RUNX1: variants seen among roughly 807,000 people sequenced by gnomAD.
RUNX1 encodes the protein runt-related transcription factor 1.
RUNX1 carries 19 observed loss-of-function variants against 42.8 expected under a neutral mutation model. The observed-to-expected ratio is 0.44, with a 90% CI of 0.31 to 0.65. The LOEUF (loss-of-function observed/expected upper bound fraction) is 0.65. Among genes scored for constraint, RUNX1 ranks in the 30% least tolerant of loss-of-function variants. RUNX1 has a pLI of 0.07. For missense variants in RUNX1, 528 were observed against 672.0 expected (o/e 0.79, Z 2.37); for synonymous variants, 271 against 289.4 (o/e 0.94, Z 0.64).
At chr21:34,841,874 T>C (rs929763273) in intron 6 of RUNX1, among the ~76,000 whole-genome samples, 1 of 152,224 alleles carries the variant, frequency 6.6e-6, no homozygotes, top group Non-Finnish European at 1.5e-5. Context: ...CACATGTTAA[T>C]GTTATCCAGG....
At chr21:34,951,144 G>T (rs542979076) in intron 2 of RUNX1, among the ~76,000 whole-genome samples, 8 of 152,124 alleles carry the variant, frequency 5.3e-5, no homozygotes, top group Admixed American at 2.6e-4. Flanking sequence ...CCACTTATCT[G>T]CCCAAGGGAT....
At chr21:34,802,602 G>C (rs1451350670) in intron 7 of RUNX1, among the ~76,000 whole-genome samples, 4 of 152,342 alleles carry the variant, frequency 2.6e-5, no homozygotes, top group Non-Finnish European at 4.4e-5. Flanking sequence ...CCTGCCTTCT[G>C]GAAGTTACAG....
intron 2 of RUNX1, among the ~76,000 whole-genome samples, chr21:34,978,937 T>TACACAAACAC (rs2058824468): frequency 7.5e-6 from 1 of 134,054 alleles, no homozygotes; most frequent in Admixed American, 7.5e-5. Flanking sequence ...CACACACAGA[T>TACACAAACAC]ACACACACAC....
At chr21:35,036,572 G>C (rs1268907065) in intron 2 of RUNX1, among the ~76,000 whole-genome samples, 1 of 152,124 alleles carries the variant, frequency 6.6e-6, no homozygotes, top group East Asian at 1.9e-4. Context: ...GGTGAAGGGG[G>C]AAAAGAAGGG....
chr21:35,010,259 CATT>C (rs775276682), intron 2 of RUNX1, among the ~76,000 whole-genome samples: 3 of 152,050 alleles, frequency 2.0e-5, no homozygotes, highest in Non-Finnish European at 2.9e-5. Context: ...GCTCCAAAAA[CATT>C]ATTTTTAAAA....
At chr21:34,991,871 G>A (rs1319343195) in intron 2 of RUNX1, among the ~76,000 whole-genome samples, 2 of 152,132 alleles carry the variant, frequency 1.3e-5, no homozygotes, top group East Asian at 1.9e-4. Context: ...AAGAAAAAAC[G>A]GACAGACAGA....
At chr21:34,894,375 A>T (rs1038455787) in intron 2 of RUNX1, among the ~76,000 whole-genome samples, 2 of 152,204 alleles carry the variant, frequency 1.3e-5, no homozygotes, top group African/African-American at 4.8e-5. Flanking sequence ...TAAACCCAAA[A>T]ACAAGGGCAA....
chr21:34,788,516 T>C lies in RUNX1; in HGVS notation c.*3619A>G, dbSNP rs139372063. Reference sequence around the variant, plus strand: ...AAGAAGCATTTTTTTCCCTACAGTATTTAGCAAACCTAAGAAAAAGTCCTT... The same window carrying C: ...AAGAAGCATTTTTTTCCCTACAGTACTTAGCAAACCTAAGAAAAAGTCCTT... On this transcript the variant is annotated 3_prime_UTR_variant, in exon 9 of 9. Coordinates refer to ENST00000675419, the MANE Select transcript of RUNX1 (RefSeq NM_001754.5). The C allele has an allele frequency of 7.1e-3, 1,654 of 233,112 alleles. 24 individuals carry two copies. The highest frequency in any genetic ancestry group is 0.029 in the Admixed American group (518 of 17,782). 14.4% of individuals were successfully genotyped at this position (233,112 alleles called of 1,614,324 possible). A position where few individuals can be genotyped will look rare whatever the true frequency, so the allele number is the denominator to read the frequency against.
intron 7 of RUNX1, among the ~76,000 whole-genome samples, chr21:34,827,632 T>C (rs1367190720): frequency 6.6e-6 from 1 of 152,186 alleles, no homozygotes; most frequent in Non-Finnish European, 1.5e-5. Context: ...GGGGCACCCT[T>C]CATGGGCTCA....
At chr21:34,930,719 TCACACA>T (rs67114485) in intron 2 of RUNX1, among the ~76,000 whole-genome samples, 22 of 140,560 alleles carry the variant, frequency 1.6e-4, no homozygotes, top group African/African-American at 4.5e-4. Flanking sequence ...TCTCTCTCTC[TCACACA>T]CACACACACA....
Position 34,799,311 on chromosome 21 carries a change from A to G in RUNX1, c.957T>C (p.Ser319=), listed in dbSNP as rs2145907165. 6.2e-7 allele frequency: 1 copy of G among 1,614,178 alleles called. No homozygotes were observed. Among genetic ancestry groups the G allele is most frequent in the Non-Finnish European group, 8.5e-7 (1 of 1,180,036 alleles). ...TTTCAAGTGGCTTACTTGAGAGTCG[A>G]CTGGAAAGTTCTGCAGAGAGGGTTG... ...GMTTLSAELS[S]RLSTAPDLTA... The change falls in exon 8 of 9, where the codon AGT becomes AGC. Residue 319 remains serine, a synonymous_variant. Transcript: ENST00000675419.
chr21:34,883,894 G>A (rs1052370464), intron 4 of RUNX1, among the ~76,000 whole-genome samples: 5 of 152,348 alleles, frequency 3.3e-5, no homozygotes, highest in Admixed American at 6.5e-5. Context: ...CAGCTGAGAT[G>A]ATATTTAAGG....
At chr21:34,805,444 G>C (rs1248888771) in intron 7 of RUNX1, among the ~76,000 whole-genome samples, 2 of 152,206 alleles carry the variant, frequency 1.3e-5, no homozygotes, top group South Asian at 2.1e-4. Flanking sequence ...AAAAACCAAA[G>C]AGAAGAGAAA....
chr21:34,854,245 T>C (rs1350872582), intron 6 of RUNX1, among the ~76,000 whole-genome samples: 53 of 152,348 alleles, frequency 3.5e-4, no homozygotes, highest in Non-Finnish European at 1.2e-4. Flanking sequence ...ATTATACTCA[T>C]ATGACATGAT....
At chr21:34,980,386 G>A (rs1293228611) in intron 2 of RUNX1, among the ~76,000 whole-genome samples, 1 of 152,190 alleles carries the variant, frequency 6.6e-6, no homozygotes, top group Non-Finnish European at 1.5e-5. Flanking sequence ...ACGTAGCCTG[G>A]GGATGGGGTA....
chr21:35,001,287 TA>T (rs35333857), intron 2 of RUNX1, among the ~76,000 whole-genome samples: 31,014 of 145,904 alleles, frequency 0.21, 3,459 homozygotes, highest in Middle Eastern at 0.28. Context: ...TTTGGCCTAT[TA>T]TTTTTTTTGA....
At chr21:35,001,387 T>C (rs957072572) in intron 2 of RUNX1, among the ~76,000 whole-genome samples, 3 of 151,354 alleles carry the variant, frequency 2.0e-5, no homozygotes, top group Non-Finnish European at 4.4e-5. Context: ...TATAGTTCTA[T>C]GGCACTAATT....
chr21:35,030,973 A>G (rs1303600843), intron 2 of RUNX1, among the ~76,000 whole-genome samples: 2 of 152,212 alleles, frequency 1.3e-5, no homozygotes, highest in African/African-American at 4.8e-5. Context: ...AGTATAAAAA[A>G]TACTCAACAT....
chr21:34,896,250 C>T (rs922114245), intron 2 of RUNX1, among the ~76,000 whole-genome samples: 2 of 152,056 alleles, frequency 1.3e-5, no homozygotes, highest in Non-Finnish European at 2.9e-5. Context: ...AAACTCTATG[C>T]TAGTTTCAGA....
Sources: gnomAD v4.1 joint callset for allele counts (sites outside exome capture counted in the v4.1 genomes callset) on GRCh38, gnomAD v4.1.1 for gene constraint, MANE v1.5 for transcripts, NCBI Gene and HGNC (gene_info 2026-07-23, HGNC 2026-07-21) for gene names.